Variants in CPNE4 observed in about 807,000 individuals in gnomAD.
The protein encoded by CPNE4 is copine-4.
Under a neutral mutation model 67.9 loss-of-function variants are expected in CPNE4, and 25 were observed. That is an observed-to-expected ratio of 0.37 (90% CI 0.27 to 0.51). The LOEUF (loss-of-function observed/expected upper bound fraction) is 0.51. Ranked by LOEUF, CPNE4 falls within the 20% of genes least tolerant of loss-of-function variation. The probability of loss-of-function intolerance (pLI) is 0.93; values close to 1 mark genes in which losing one functional copy is unlikely to be tolerated. For synonymous variants in CPNE4, 242 were observed against 244.9 expected, an observed-to-expected ratio of 0.99 and a Z score of 0.11; for missense variants, 464 against 690.8, an observed-to-expected ratio of 0.67 and a Z score of 3.68.
intron 7 of CPNE4, among the ~76,000 whole-genome samples, chr3:131,590,323 A>G (rs930960530): frequency 6.6e-6 from 1 of 152,150 alleles, no homozygotes; most frequent in Non-Finnish European, 1.5e-5. Context: ...TGACAGGTAA[A>G]TCTAGGGGTG....
chr3:131,697,753 T>A (rs79385643), intron 4 of CPNE4, among the ~76,000 whole-genome samples: 2,714 of 152,280 alleles, frequency 0.018, 94 homozygotes, highest in African/African-American at 0.062. Context: ...CTCTTATACT[T>A]CATTTGATTA....
At chr3:131,970,625 C>A (rs1428269005) in intron 1 of CPNE4, among the ~76,000 whole-genome samples, 1 of 152,144 alleles carries the variant, frequency 6.6e-6, no homozygotes, top group East Asian at 1.9e-4. Context: ...CCTTATGCTG[C>A]ACTTTCTAGG....
At chr3:131,868,096 A>G (rs1241798017) in intron 2 of CPNE4, among the ~76,000 whole-genome samples, 1 of 152,194 alleles carries the variant, frequency 6.6e-6, no homozygotes, top group African/African-American at 2.4e-5. Context: ...TATTTGTATA[A>G]ATCTTCTCAC....
intron 1 of CPNE4, among the ~76,000 whole-genome samples, chr3:131,984,635 G>C (rs1006360016): frequency 7.2e-5 from 11 of 152,144 alleles, no homozygotes; most frequent in Admixed American, 6.6e-4. Flanking sequence ...TGCATATGCT[G>C]GCCCATCTTC....
chr3:131,977,161 C>T (rs563357521), intron 1 of CPNE4, among the ~76,000 whole-genome samples: 4 of 152,192 alleles, frequency 2.6e-5, no homozygotes, highest in African/African-American at 9.6e-5. Context: ...TCCTAAGAGT[C>T]TTTGTAAAGA....
chr3:131,986,105 G>A (rs956317721), intron 1 of CPNE4, among the ~76,000 whole-genome samples: 2 of 152,132 alleles, frequency 1.3e-5, no homozygotes, highest in South Asian at 2.1e-4. Context: ...AAAAGTCATC[G>A]CTTGAGAAGA....
At chr3:131,765,618 A>C (rs1384701675) in intron 2 of CPNE4, among the ~76,000 whole-genome samples, 2 of 152,082 alleles carry the variant, frequency 1.3e-5, no homozygotes, top group South Asian at 2.1e-4. Flanking sequence ...GTCCTTTACT[A>C]TAGTCTAATC....
At chr3:131,641,113 A>T (rs1052661309) in intron 7 of CPNE4, among the ~76,000 whole-genome samples, 33 of 152,306 alleles carry the variant, frequency 2.2e-4, no homozygotes, top group African/African-American at 7.9e-4. Context: ...TTATGCAAAG[A>T]CTTCATGACC....
chr3:131,729,804 C>T (rs1015380273), intron 2 of CPNE4, among the ~76,000 whole-genome samples: 5 of 152,216 alleles, frequency 3.3e-5, no homozygotes, highest in Non-Finnish European at 5.9e-5. Context: ...TTCCTGCTCA[C>T]TAGTTCCTAG....
intron 1 of CPNE4, among the ~76,000 whole-genome samples, chr3:131,968,764 G>A (rs2072426425): frequency 1.3e-5 from 2 of 152,136 alleles, no homozygotes; most frequent in South Asian, 4.1e-4. Context: ...TGGTGGGAGT[G>A]TAAATTAGTT....
At chr3:131,655,172 A>G (rs185019303) in intron 7 of CPNE4, among the ~76,000 whole-genome samples, 126 of 152,356 alleles carry the variant, frequency 8.3e-4, no homozygotes, top group Middle Eastern at 3.4e-3. Flanking sequence ...TGCTTTACGC[A>G]TGAACTCTGA....
intron 2 of CPNE4, among the ~76,000 whole-genome samples, chr3:131,793,827 TGA>T (rs968965605): frequency 3.7e-4 from 56 of 152,040 alleles, no homozygotes; most frequent in African/African-American, 1.3e-3. Context: ...TCTGTATACA[TGA>T]GATTAGAGTC....
chr3:131,963,628 G>T (rs2072249713), intron 1 of CPNE4, among the ~76,000 whole-genome samples: 2 of 152,324 alleles, frequency 1.3e-5, no homozygotes, highest in South Asian at 4.1e-4. Flanking sequence ...CTGCCGGGAA[G>T]TTCGGCAAAA....
At chr3:131,978,595 G>A (rs1485894296) in intron 1 of CPNE4, among the ~76,000 whole-genome samples, 1 of 112,774 alleles carries the variant, frequency 8.9e-6, no homozygotes, top group African/African-American at 3.4e-5. Context: ...TCTTTTCTTG[G>A]TTAATCTTGC....
intron 3 of CPNE4, among the ~76,000 whole-genome samples, chr3:131,704,926 A>C (rs1241749409): frequency 1.3e-5 from 2 of 152,128 alleles, no homozygotes; most frequent in African/African-American, 4.8e-5. Flanking sequence ...GAGATAATTA[A>C]GGTCAAATGA....
chr3:131,997,957 A>C (rs2073337491), intron 1 of CPNE4, among the ~76,000 whole-genome samples: 1 of 152,116 alleles, frequency 6.6e-6, no homozygotes, highest in Admixed American at 6.6e-5. Context: ...TGATCCATTG[A>C]AGAGGGCAGA....
intron 2 of CPNE4, among the ~76,000 whole-genome samples, chr3:131,861,731 C>A (rs190208103): frequency 6.6e-6 from 1 of 151,630 alleles, no homozygotes; most frequent in African/African-American, 2.4e-5. Context: ...CCAAGCCCGG[C>A]CTAGGATATC....
chr3:131,769,099 G>A (rs1446185116), intron 2 of CPNE4, among the ~76,000 whole-genome samples: 1 of 152,130 alleles, frequency 6.6e-6, no homozygotes, highest in Non-Finnish European at 1.5e-5. Flanking sequence ...TATTGCCCAT[G>A]CAGTTTTCCC....
chr3:131,682,703 C>A (rs2080787617), intron 6 of CPNE4, among the ~76,000 whole-genome samples: 1 of 152,040 alleles, frequency 6.6e-6, no homozygotes, highest in Non-Finnish European at 1.5e-5. Flanking sequence ...GTCAGCCAGG[C>A]TATGTCCTTC....
Sources: allele counts gnomAD v4.1 joint callset (sites outside exome capture counted in the v4.1 genomes callset), GRCh38; gene constraint gnomAD v4.1.1; transcripts MANE v1.5; gene names NCBI Gene and HGNC (gene_info 2026-07-23, HGNC 2026-07-21).